Variants in DAPK1 observed in about 807,000 individuals in gnomAD.
DAPK1 encodes death associated protein kinase 1, also known as death-associated protein kinase 1.
A neutral mutation model predicts 144.9 loss-of-function variants in DAPK1; 56 were observed. The ratio of observed to expected loss-of-function variants is 0.39; its 90% confidence interval spans 0.31 to 0.48. The LOEUF (loss-of-function observed/expected upper bound fraction) is 0.48, where lower values mean the gene tolerates loss of function less well. Among genes scored for constraint, DAPK1 ranks in the 20% least tolerant of loss-of-function variants. The pLI, the probability that DAPK1 is intolerant of heterozygous loss-of-function variation, is 0.95. For synonymous variants in DAPK1, 690 were observed against 749.0 expected (o/e 0.92, Z 1.29); for missense variants, 1,454 against 1,875.4 (o/e 0.78, Z 4.15).
chr9:87,628,202 A>G (rs1415560128), intron 3 of DAPK1, among the ~76,000 whole-genome samples: 3 of 152,232 alleles, frequency 2.0e-5, no homozygotes, highest in Non-Finnish European at 4.4e-5. Flanking sequence ...ATGAGAATCC[A>G]TGCGGCTCCT....
intron 3 of DAPK1, among the ~76,000 whole-genome samples, chr9:87,624,673 A>G (rs1316824609): frequency 2.0e-5 from 3 of 152,174 alleles, no homozygotes; most frequent in African/African-American, 4.8e-5. Flanking sequence ...AGATCCTGTG[A>G]CACTCCTGAG....
intron 2 of DAPK1, among the ~76,000 whole-genome samples, chr9:87,531,660 T>C (rs1187336496): frequency 6.6e-6 from 1 of 152,186 alleles, no homozygotes; most frequent in Non-Finnish European, 1.5e-5. Flanking sequence ...CATTGAACTG[T>C]CACAACCAGA....
chr9:87,633,163 A>G (rs35923876), intron 3 of DAPK1: 74,549 of 981,980 alleles, frequency 0.076, 3,146 homozygotes, highest in East Asian at 0.29. Flanking sequence ...GGATGAGTAT[A>G]TATGTAGGGA....
chr9:87,527,944 A>C (rs1463951606), intron 2 of DAPK1, among the ~76,000 whole-genome samples: 5 of 152,224 alleles, frequency 3.3e-5, no homozygotes. Context: ...CCTCCTTTCT[A>C]CTGACTTTGA....
intron 2 of DAPK1, among the ~76,000 whole-genome samples, chr9:87,540,406 G>A (rs776932438): frequency 6.6e-6 from 1 of 152,024 alleles, no homozygotes; most frequent in Non-Finnish European, 1.5e-5. Context: ...GGCCAGGCTG[G>A]TCTCGAACTC....
chr9:87,502,351 C>A (rs369987783), intron 2 of DAPK1, among the ~76,000 whole-genome samples: 180 of 152,254 alleles, frequency 1.2e-3, no homozygotes, highest in African/African-American at 4.1e-3. Context: ...GGGTCTCACC[C>A]TCTGTCCCAG....
At chr9:87,540,467 C>T (rs1056616319) in intron 2 of DAPK1, among the ~76,000 whole-genome samples, 1 of 152,048 alleles carries the variant, frequency 6.6e-6, no homozygotes, top group African/African-American at 2.4e-5. Flanking sequence ...CTGAGGTTAC[C>T]GGCATGAGCC....
chr9:87,540,059 T>A (rs1399157479), intron 2 of DAPK1, among the ~76,000 whole-genome samples: 1 of 152,010 alleles, frequency 6.6e-6, no homozygotes, highest in Non-Finnish European at 1.5e-5. Context: ...AATTATTTAC[T>A]AAGGTTGCGA....
intron 11 of DAPK1, among the ~76,000 whole-genome samples, chr9:87,644,676 T>G (rs959645337): frequency 1.3e-5 from 2 of 152,164 alleles, no homozygotes; most frequent in African/African-American, 4.8e-5. Context: ...ATAATGAGAA[T>G]GATTAAAGAT....
At chr9:87,670,241 A>G (rs1831210155) in intron 19 of DAPK1, among the ~76,000 whole-genome samples, 1 of 151,968 alleles carries the variant, frequency 6.6e-6, no homozygotes, top group Non-Finnish European at 1.5e-5. Flanking sequence ...GCCTTTTCAT[A>G]GAGTTTCCTA....
At chr9:87,506,734 T>G (rs1164406519) in intron 2 of DAPK1, 4 of 152,214 alleles carry the variant, frequency 2.6e-5, no homozygotes, top group African/African-American at 9.6e-5. Context: ...TTTCTCGGCC[T>G]TGAAAGAGGT....
intron 2 of DAPK1, among the ~76,000 whole-genome samples, chr9:87,544,216 A>G (rs1185022413): frequency 1.3e-5 from 2 of 152,142 alleles, no homozygotes; most frequent in East Asian, 3.8e-4. Flanking sequence ...ATTTTCATAC[A>G]TGAATAAGTA....
chr9:87,660,487 T>G (rs1830803590), intron 18 of DAPK1, among the ~76,000 whole-genome samples: 1 of 152,216 alleles, frequency 6.6e-6, no homozygotes. Context: ...TTGATTGATT[T>G]ATTATTTGTA....
At chr9:87,595,254 G>C (rs981620032) in intron 2 of DAPK1, among the ~76,000 whole-genome samples, 1 of 152,186 alleles carries the variant, frequency 6.6e-6, no homozygotes, top group Admixed American at 6.5e-5. Context: ...CTCGTGGAAA[G>C]GGCCAGTTAG....
rs183449064 is a variant in DAPK1, at chr9:87,617,788, C to A, written c.284+12613C>A. ...CCTCCAAGACGGGTCTCCCCAGGTA[C>A]CTCAACTTCACGTGTCTTAAACTGG... On this transcript the variant is annotated intron_variant, in intron 3 of 25. Coordinates refer to ENST00000408954, the MANE Select transcript of DAPK1 (RefSeq NM_004938.4). 3.0e-3 allele frequency among the ~76,000 whole-genome samples: 455 copies of A among 152,272 alleles called. 3 individuals are homozygous for A. The highest frequency in any genetic ancestry group is 4.2e-3 in the Non-Finnish European group (289 of 68,028).
At position 87,639,331 on chromosome 9, in the gene DAPK1, T is replaced by C. The variant is rs759994149; in HGVS notation, c.424-23T>C. Reference sequence around the variant, plus strand: ...CAGCATAACATATCATAGCTTTTTATTTATCTCTCTCTTTTTTTCAAGCCT... The same window carrying C: ...CAGCATAACATATCATAGCTTTTTACTTATCTCTCTCTTTTTTTCAAGCCT... On this transcript the variant is annotated intron_variant, in intron 4 of 25. Coordinates refer to ENST00000408954, the MANE Select transcript of DAPK1 (RefSeq NM_004938.4). 6 of 1,579,912 alleles carry C rather than the reference T, an allele frequency of 3.8e-6. No individual in the cohort carries two copies. The East Asian group carries it at 1.3e-4, about 35-fold the overall frequency.
intron 2 of DAPK1, among the ~76,000 whole-genome samples, chr9:87,562,316 G>A (rs2118664962): frequency 6.6e-6 from 1 of 152,352 alleles, no homozygotes; most frequent in South Asian, 2.1e-4. Flanking sequence ...TTGTCCTCCT[G>A]TGTCGTAACT....
intron 2 of DAPK1, among the ~76,000 whole-genome samples, chr9:87,581,742 A>T (rs1037845905): frequency 6.6e-6 from 1 of 152,206 alleles, no homozygotes; most frequent in African/African-American, 2.4e-5. Context: ...CCAGGACTGG[A>T]CTGATTTGGA....
In DAPK1 at chr9:87,499,097, A is replaced by G; in HGVS notation, c.20A>G (p.Glu7Gly). The change falls in exon 2 of 26, where the codon GAA becomes GGA. Residue 7 changes from glutamate (E) to glycine (G), a missense_variant. Around this residue, in one of 2 missense-constraint regions of DAPK1, gnomAD observed 429 missense variants for 637.5 expected, o/e 0.67. Coordinates refer to ENST00000408954, the MANE Select transcript of DAPK1 (RefSeq NM_004938.4). MTVFRQENVDDYYDTGE... is the reference protein window; with the variant it reads MTVFRQGNVDDYYDTGE... ...TTTATCATGACCGTGTTCAGGCAGGAAAACGTGGATGATTACTACGACACC... is the reference window on the plus strand; with the variant it reads ...TTTATCATGACCGTGTTCAGGCAGGGAAACGTGGATGATTACTACGACACC... 1 of 1,614,006 alleles carries G rather than the reference A, an allele frequency of 6.2e-7. No homozygotes were observed. The highest frequency in any genetic ancestry group is 8.5e-7 in the Non-Finnish European group (1 of 1,179,980).
Sources: gnomAD v4.1 joint callset for allele counts (sites outside exome capture counted in the v4.1 genomes callset) on GRCh38, gnomAD v4.1.1 for gene constraint, gnomAD v4.1.1 regional missense constraint, MANE v1.5 for transcripts, NCBI Gene and HGNC (gene_info 2026-07-23, HGNC 2026-07-21) for gene names.